The following GABRD variants were observed in gnomAD, a reference collection of about 807,000 sequenced individuals.
GABRD encodes gamma-aminobutyric acid receptor subunit delta.
GABRD carries 25 observed loss-of-function variants against 47.3 expected under a neutral mutation model. That is an observed-to-expected ratio of 0.53 (90% CI 0.39 to 0.74). The LOEUF (loss-of-function observed/expected upper bound fraction) is 0.74, where lower values mean the gene tolerates loss of function less well. GABRD is among the 30% of genes least tolerant of loss of function. The pLI is 0.00. For synonymous variants in GABRD, 314 were observed against 278.8 expected (o/e 1.13, Z -1.26); for missense variants, 497 against 643.4 (o/e 0.77, Z 2.46).
chr1:2,024,521 C>T (rs575382737), intron 1 of GABRD: 8 of 157,324 alleles, frequency 5.1e-5, no homozygotes, highest in East Asian at 3.7e-4. Flanking sequence ...GGGGAAGCTT[C>T]GCCCTCAGAA....
At position 2,028,270 on chromosome 1, in the gene GABRD, G is replaced by C. The variant is rs763261978; in HGVS notation, c.669G>C (p.Thr223=). Residue 223 remains threonine, a synonymous_variant, in exon 6 of 9, where the codon ACG becomes ACC. Transcript: ENST00000378585. This position sits in a 1 kb window ranked among gnomAD's most constrained non-coding sequence, Gnocchi z 6.4. ...CCATCACCAGCTACCGCTTCACCAC[G>C]GAGCTGATGAACTTCAAGTCCGGTA... ...QFTITSYRFT[T]ELMNFKSAGQ... The C allele has an allele frequency of 6.2e-7, 1 of 1,611,468 alleles. No individual in the cohort carries two copies. Among genetic ancestry groups the C allele is most frequent in the South Asian group, 1.1e-5 (1 of 90,978 alleles).
chr1:2,021,976 C>T (rs1285822844), intron 1 of GABRD, among the ~76,000 whole-genome samples: 1 of 152,154 alleles, frequency 6.6e-6, no homozygotes, highest in East Asian at 1.9e-4. Context: ...CATGGAGAGC[C>T]ACCCGAGGGG....
rs2102154232 is a variant in GABRD at position 2,030,327 on chromosome 1, A to G, written c.*45A>G. The G allele has an allele frequency of 6.8e-7, 1 of 1,464,152 alleles. No homozygotes were observed. Among genetic ancestry groups the G allele is most frequent in the Non-Finnish European group, 9.1e-7 (1 of 1,104,586 alleles). The allele number at this position is 1,464,152 out of a possible 1,614,324, so 90.7% of individuals were successfully genotyped here. ...CTCGCTTGTCCTGGCGCCCGGCGGC[A>G]GCTGCCCAGAAACTTCCTGGGAGAA... is the stretch of plus-strand genomic sequence containing the variant. On this transcript the variant is annotated 3_prime_UTR_variant, in exon 9 of 9. Coordinates refer to ENST00000378585, the MANE Select transcript of GABRD (RefSeq NM_000815.5).
intron 1 of GABRD, chr1:2,023,594 A>ATCTG (rs1658841816): frequency 6.6e-6 from 1 of 152,200 alleles, no homozygotes; most frequent in African/African-American, 2.4e-5. Context: ...CTGGGGTCAA[A>ATCTG]TCTGTCTCTA....
chr1:2,030,383 G>A lies in GABRD; in HGVS notation c.*101G>A. 1 of 1,067,694 alleles carries A rather than the reference G, an allele frequency of 9.4e-7. No homozygotes were observed. The highest frequency in any genetic ancestry group is 1.3e-6 in the Non-Finnish European group (1 of 778,022). The allele number at this position is 1,067,694 out of a possible 1,614,324, so 66.1% of individuals were successfully genotyped here. A position where few individuals can be genotyped will look rare whatever the true frequency, so the allele number is the denominator to read the frequency against. ...CCTCGGGCTGCCTTCCCCTCTGCGT[G>A]TTTCGAAGTGGGATGACAGTCGGCC... On this transcript the variant is annotated 3_prime_UTR_variant, in exon 9 of 9. Coordinates refer to ENST00000378585, the MANE Select transcript of GABRD (RefSeq NM_000815.5).
At position 2,029,024 on chromosome 1, in the gene GABRD, G is replaced by A. The variant is rs74346221; in HGVS notation, c.692-87G>A. The A allele has an allele frequency of 9.7e-5, 145 of 1,496,050 alleles. 2 individuals are homozygous for A. The African/African-American group carries it at 1.6e-3, about 17-fold the overall frequency. The allele number at this position is 1,496,050 out of a possible 1,614,324, so 92.7% of individuals were successfully genotyped here. On this transcript the variant is annotated intron_variant, in intron 6 of 8. Coordinates refer to ENST00000378585, the MANE Select transcript of GABRD (RefSeq NM_000815.5). Reference sequence around the variant, plus strand: ...TCTCTTCTGAGCCCTGGTGGGCCCCGTAGCTGCCAAGCCCTGCAGCCCCTG... The same window carrying A: ...TCTCTTCTGAGCCCTGGTGGGCCCCATAGCTGCCAAGCCCTGCAGCCCCTG...
Position 2,019,396 on chromosome 1 carries a change from C to T in GABRD, c.-28C>T. The T allele has an allele frequency of 9.5e-7, 1 of 1,051,370 alleles. No homozygotes were observed. The highest frequency in any genetic ancestry group is 1.1e-6 in the Non-Finnish European group (1 of 874,332). The allele number at this position is 1,051,370 out of a possible 1,614,324, so 65.1% of individuals were successfully genotyped here. A position where few individuals can be genotyped will look rare whatever the true frequency, so the allele number is the denominator to read the frequency against. ...GCGGCCGCCGGGAGCCAAGTTTGCG[C>T]GGACCCCGTCCCGAGCCCGCCGCGG... On this transcript the variant is annotated 5_prime_UTR_variant, in exon 1 of 9. Transcript: ENST00000378585.
intron 1 of GABRD, among the ~76,000 whole-genome samples, chr1:2,020,992 C>G (rs1658756624): frequency 6.6e-6 from 1 of 152,220 alleles, no homozygotes. Context: ...TTAATCCTGG[C>G]CTGCATCTGG....
intron 2 of GABRD, 71 bp from the exon 3 acceptor site, chr1:2,025,263 C>T (rs779120963): frequency 4.4e-4 from 681 of 1,550,844 alleles, no homozygotes; most frequent in Non-Finnish European, 5.7e-4. Flanking sequence ...ACTGGGACCC[C>T]GGCAGGGTCC....
chr1:2,030,323 C>CGGCA lies in GABRD; in HGVS notation c.*43_*46dup. 1.4e-6 allele frequency: 2 copies of CGGCA among 1,462,894 alleles called. No homozygotes were observed. Among genetic ancestry groups the CGGCA allele is most frequent in the Non-Finnish European group, 1.8e-6 (2 of 1,103,778 alleles). 90.6% of individuals were successfully genotyped at this position (1,462,894 alleles called of 1,614,324 possible). A position where few individuals can be genotyped will look rare whatever the true frequency, so the allele number is the denominator to read the frequency against. ...CACCCTCGCTTGTCCTGGCGCCCGG[C>CGGCA]GGCAGCTGCCCAGAAACTTCCTGGG... On this transcript the variant is annotated 3_prime_UTR_variant, in exon 9 of 9. Coordinates refer to ENST00000378585, the MANE Select transcript of GABRD (RefSeq NM_000815.5).
At position 2,025,585 on chromosome 1, in the gene GABRD, A is replaced by G. The variant is rs1428299886; in HGVS notation, c.317A>G (p.Asn106Ser). ...AGCAGGCTCTCCTACAACCACACCA[A>G]CGAGACCCTGGGTCTGGACAGCCGC... ...RDSRLSYNHT[N>S]ETLGLDSRFV... Residue 106 changes from asparagine (N) to serine (S), a missense_variant, in exon 4 of 9, where the codon AAC becomes AGC. Asn to Ser is a conservative substitution (Grantham distance 46). Around this residue, in one of 3 missense-constraint regions of GABRD, gnomAD observed 285 missense variants for 436.6 expected, o/e 0.65. Coordinates refer to ENST00000378585, the MANE Select transcript of GABRD (RefSeq NM_000815.5). 4.3e-6 allele frequency: 7 copies of G among 1,612,842 alleles called. No homozygotes were observed. The highest frequency in any genetic ancestry group is 1.7e-5 in the Admixed American group (1 of 59,998).
chr1:2,026,350 C>A (rs542967237), intron 4 of GABRD, among the ~76,000 whole-genome samples: 5 of 152,364 alleles, frequency 3.3e-5, no homozygotes, highest in Non-Finnish European at 7.3e-5. Flanking sequence ...TTCTTCATGG[C>A]CTAGGCGATG....
Position 2,024,925 on chromosome 1 carries a change from T to G in GABRD, c.69-17T>G, listed in dbSNP as rs546154012. 6.1e-5 allele frequency: 96 copies of G among 1,582,346 alleles called. 1 individual carries two copies. In the South Asian group the frequency reaches 9.5e-4, roughly 16 times the overall value. On this transcript the variant is annotated splice_polypyrimidine_tract_variant and intron_variant, in intron 1 of 8. Coordinates refer to ENST00000378585, the MANE Select transcript of GABRD (RefSeq NM_000815.5). ...ATTAAGTCCTGGCCTGTCTGACCGGTGGCTTTGCATCCCCAGAGCGATGAA... is the reference window on the plus strand; with the variant it reads ...ATTAAGTCCTGGCCTGTCTGACCGGGGGCTTTGCATCCCCAGAGCGATGAA...
Position 2,030,452 on chromosome 1 carries a change from CA to C in GABRD, c.*171del. On this transcript the variant is annotated 3_prime_UTR_variant, in exon 9 of 9. Transcript: ENST00000378585. ...CCTCGGCCTCCCTGAGCTCTGACCC[CA>C]GCCTCACCCGAAAGGCCAGCCTGGG... The C allele has an allele frequency of 1.8e-6, 1 of 549,878 alleles. No individual in the cohort carries two copies. The highest frequency in any genetic ancestry group is 2.9e-6 in the Non-Finnish European group (1 of 339,136). 34.1% of individuals were successfully genotyped at this position (549,878 alleles called of 1,614,324 possible).
Position 2,029,180 on chromosome 1 carries a change from C to A in GABRD, c.761C>A (p.Ser254Tyr). The change falls in exon 7 of 9, where the codon TCC becomes TAC. Residue 254 changes from serine (S) to tyrosine (Y), a missense_variant. Around this residue, in one of 3 missense-constraint regions of GABRD, gnomAD observed 285 missense variants for 436.6 expected, o/e 0.65. Transcript: ENST00000378585. Reference sequence around the variant, plus strand: ...AACCGCGGCGTGTACATCATCCAATCCTACATGCCCTCCGTCCTGCTGGTC... The same window carrying A: ...AACCGCGGCGTGTACATCATCCAATACTACATGCCCTCCGTCCTGCTGGTC... ...RRNRGVYIIQ[S>Y]YMPSVLLVAM... 6.4e-7 allele frequency: 1 copy of A among 1,559,776 alleles called. No homozygotes were observed.
chr1:2,020,310 A>G (rs1171186618), intron 1 of GABRD, among the ~76,000 whole-genome samples: 2 of 152,190 alleles, frequency 1.3e-5, no homozygotes, highest in Non-Finnish European at 1.5e-5. Context: ...TCACGAGAGG[A>G]CATTTAGGGG....
At position 2,030,673 on chromosome 1, in the gene GABRD, C is replaced by T. The variant is rs41315332; in HGVS notation, c.*391C>T. 0.016 allele frequency: 2,875 copies of T among 179,290 alleles called. 40 individuals carry two copies. Among genetic ancestry groups the T allele is most frequent in the Middle Eastern group, 0.032 (14 of 438 alleles). The allele number at this position is 179,290 out of a possible 1,614,324, so 11.1% of individuals were successfully genotyped here. The stretch of plus-strand genomic sequence containing the variant: ...GAGGAGGTGGGGGTGGACGTCCATC[C>T]GGTGAACAGTGAAGGCGTTTGTGAG... On this transcript the variant is annotated 3_prime_UTR_variant, in exon 9 of 9. Transcript: ENST00000378585.
intron 6 of GABRD, 59 bp from the exon 7 acceptor site, chr1:2,029,052 T>G: frequency 6.5e-7 from 1 of 1,532,526 alleles, no homozygotes; most frequent in Non-Finnish European, 8.7e-7. Context: ...AGCCCCTGAG[T>G]CCCATGGTTG....
chr1:2,025,109 G>C, intron 2 of GABRD, 55 bp downstream of exon 2: 2 of 1,453,396 alleles, frequency 1.4e-6, no homozygotes, highest in East Asian at 4.8e-5. Flanking sequence ...AGGCTAGGCC[G>C]TGGCTGTGTG....
Sources: gnomAD v4.1 joint callset for allele counts (sites outside exome capture counted in the v4.1 genomes callset) on GRCh38, gnomAD v4.1.1 for gene constraint, gnomAD v4.1.1 regional missense constraint, Gnocchi (gnomAD v3.1) non-coding constraint, MANE v1.5 for transcripts, NCBI Gene and HGNC (gene_info 2026-07-23, HGNC 2026-07-21) for gene names.